MAP7D2: variants seen among roughly 807,000 people sequenced by gnomAD.
MAP7D2 encodes the protein MAP7 domain-containing protein 2.
In MAP7D2, 33 loss-of-function variants were observed where a neutral mutation model predicts 63.5. That is an observed-to-expected ratio of 0.52 (90% CI 0.39 to 0.70). The LOEUF is 0.70. Ranked by LOEUF, MAP7D2 falls within the 30% of genes least tolerant of loss-of-function variation. The pLI is 0.00. For missense variants in MAP7D2, 626 were observed against 604.0 expected (o/e 1.04, Z -0.38); for synonymous variants, 224 against 223.7 (o/e 1.00, Z -0.01).
In MAP7D2 at chrX:20,012,404, C is replaced by T. The variant is rs746445494; in HGVS notation, c.2017G>A (p.Gly673Arg). The change falls in exon 15 of 17, where the codon GGG becomes AGG. Residue 673 changes from glycine to arginine, a missense_variant. Transcript: ENST00000379643. ...GGLIHLDALD[G>R]KSNSLDDSTE... ...GAATCATCCAGGCTATTTGATTTCC[C>T]ATCAAGGGCATCCAGATGAATGAGT... 8.3e-7 allele frequency: 1 copy of T among 1,208,617 alleles called. No individual in the cohort carries two copies. The highest frequency in any genetic ancestry group is 3.0e-5 in the East Asian group (1 of 33,741).
At chrX:20,014,545 G>A (rs1174580065) in intron 12 of MAP7D2, among the ~76,000 whole-genome samples, 2 of 111,560 alleles carry the variant, frequency 1.8e-5, no homozygotes, top group African/African-American at 6.5e-5. Flanking sequence ...TCCAGCATGG[G>A]CAATAGAGTG....
intron 8 of MAP7D2, among the ~76,000 whole-genome samples, chrX:20,030,739 C>T (rs1279366400): frequency 6.3e-5 from 7 of 111,935 alleles, no homozygotes; most frequent in Non-Finnish European, 1.3e-4. Flanking sequence ...AAGTTTGTTA[C>T]TTCCTAGATA....
intron 15 of MAP7D2, 88 bp downstream of exon 15, chrX:20,012,260 TG>T (rs2073227107): frequency 1.4e-6 from 1 of 706,157 alleles, no homozygotes; most frequent in African/African-American, 2.2e-5. Context: ...TTAGGTGATT[TG>T]GTTGTATAAA....
intron 8 of MAP7D2, among the ~76,000 whole-genome samples, chrX:20,030,530 C>G (rs933369884): frequency 3.6e-5 from 4 of 111,845 alleles, no homozygotes; most frequent in Non-Finnish European, 7.5e-5. Context: ...AAGAATAACT[C>G]TCTGGAGAGG....
chrX:20,038,623 C>G (rs1009549604), intron 8 of MAP7D2, among the ~76,000 whole-genome samples: 5 of 111,361 alleles, frequency 4.5e-5, no homozygotes, highest in Non-Finnish European at 9.4e-5. Flanking sequence ...TCACCATCAC[C>G]CCTAGTGACC....
intron 4 of MAP7D2, chrX:20,055,589 T>C (rs2065050344): frequency 3.3e-6 from 1 of 299,254 alleles, no homozygotes; most frequent in South Asian, 3.2e-5. Context: ...TATGGGCATG[T>C]CATTCACATT....
intron 6 of MAP7D2, chrX:20,049,906 T>C (rs1014598050): frequency 3.3e-6 from 1 of 304,578 alleles, no homozygotes; most frequent in Admixed American, 3.6e-5. Flanking sequence ...CATCCCACTA[T>C]GGTTTTGATT....
chrX:20,049,403 C>T (rs1183047338), intron 6 of MAP7D2, among the ~76,000 whole-genome samples: 1 of 108,240 alleles, frequency 9.2e-6, no homozygotes, highest in African/African-American at 3.4e-5. Flanking sequence ...TCCCGAGTAG[C>T]TGGGATTACA....
intron 15 of MAP7D2, among the ~76,000 whole-genome samples, chrX:20,011,897 G>A (rs1439239947): frequency 1.8e-5 from 2 of 112,474 alleles, no homozygotes; most frequent in African/African-American, 6.5e-5. Context: ...TGGGCTGAGG[G>A]CCTGTCACCA....
At chrX:20,042,773 T>A in intron 7 of MAP7D2, 144 bp from the exon 8 acceptor site, 1 of 723,253 alleles carries the variant, frequency 1.4e-6, no homozygotes, top group Non-Finnish European at 2.0e-6. Flanking sequence ...CAGGCATCTT[T>A]GCGGGGAGGC....
intron 1 of MAP7D2, among the ~76,000 whole-genome samples, chrX:20,086,599 G>C (rs1051076093): frequency 3.6e-5 from 4 of 111,135 alleles, no homozygotes; most frequent in African/African-American, 1.3e-4. Flanking sequence ...GGAGACTTGG[G>C]GGAAAAGCCA....
Position 20,011,108 on chromosome X carries a change from C to T in MAP7D2, c.2073-56G>A, listed in dbSNP as rs758284544. The T allele has an allele frequency of 1.3e-5, 14 of 1,090,400 alleles. No homozygotes were observed. In the South Asian group the frequency reaches 1.7e-4, roughly 13 times the overall value. The allele number at this position is 1,090,400 out of a possible 1,213,427, so 89.9% of individuals were successfully genotyped here. Reference sequence around the variant, plus strand: ...AGAAAGAGACAGACAGACAACATGGCACAATATATTAATTCTATTTGCAAT... The same window carrying T: ...AGAAAGAGACAGACAGACAACATGGTACAATATATTAATTCTATTTGCAAT... On this transcript the variant is annotated intron_variant, in intron 15 of 16. Coordinates refer to ENST00000379643, the MANE Select transcript of MAP7D2 (RefSeq NM_001168465.2).
intron 1 of MAP7D2, among the ~76,000 whole-genome samples, chrX:20,078,415 G>C (rs1271627794): frequency 1.8e-5 from 2 of 112,536 alleles, no homozygotes; most frequent in African/African-American, 6.4e-5. Flanking sequence ...CAGTCTGGTT[G>C]ACTCTCAATA....
rs764743272 is a variant in MAP7D2, at chrX:20,063,425, G to A, written c.361C>T (p.Arg121Trp). 3.1e-5 allele frequency: 38 copies of A among 1,209,191 alleles called. No individual in the cohort carries two copies. The highest frequency in any genetic ancestry group is 3.6e-5 in the Non-Finnish European group (32 of 894,865). The change falls in exon 3 of 17, where the codon CGG (arginine) becomes TGG (tryptophan). Residue 121 changes from arginine to tryptophan, a missense_variant. Transcript: ENST00000379643. ...CACCTGGGCCTTACCTCCTCCTCCC[G>A]GAGCTTCTGTTTCCTTTTCTCTTCC... The part of the protein sequence containing the change: ...AVEEKRKQKL[R>W]EEEERLEAMM...
intron 1 of MAP7D2, among the ~76,000 whole-genome samples, chrX:20,072,148 C>T (rs1019885589): frequency 9.0e-6 from 1 of 111,437 alleles, no homozygotes; most frequent in African/African-American, 3.3e-5. Flanking sequence ...AAACAACCAA[C>T]ATTTTAAGGC....
chrX:20,046,829 T>C (rs1012215243), intron 6 of MAP7D2, among the ~76,000 whole-genome samples: 4 of 112,620 alleles, frequency 3.6e-5, no homozygotes, highest in African/African-American at 9.7e-5. Context: ...ATTAAGAAAA[T>C]GTAAAGTTTT....
intron 8 of MAP7D2, among the ~76,000 whole-genome samples, chrX:20,034,619 A>G (rs1056546893): frequency 9.0e-6 from 1 of 111,412 alleles, no homozygotes; most frequent in African/African-American, 3.3e-5. Flanking sequence ...GACCCCAGAG[A>G]GCTCCCTTGC....
chrX:20,007,108 T>A lies in MAP7D2; in HGVS notation c.*1317A>T, dbSNP rs746948294. On this transcript the variant is annotated 3_prime_UTR_variant, in exon 17 of 17. Transcript: ENST00000379643. The stretch of plus-strand genomic sequence containing the variant: ...TGCCGAGATGGACAGCACCGCATTA[T>A]GTGGAGGCATGTACTTTATTGAGTA... The A allele has an allele frequency of 6.2e-5, 7 of 112,179 alleles. No individual in the cohort carries two copies. The highest frequency in any genetic ancestry group is 9.7e-5 in the African/African-American group (3 of 30,858). 9.2% of individuals were successfully genotyped at this position (112,179 alleles called of 1,213,427 possible). A position where few individuals can be genotyped will look rare whatever the true frequency, so the allele number is the denominator to read the frequency against.
At chrX:20,028,168 C>A (rs995574785) in intron 8 of MAP7D2, among the ~76,000 whole-genome samples, 5 of 111,604 alleles carry the variant, frequency 4.5e-5, no homozygotes, top group Non-Finnish European at 9.4e-5. Flanking sequence ...ATTATCATGG[C>A]CTCTTTACAG....
Sources: gnomAD v4.1 joint callset for allele counts (sites outside exome capture counted in the v4.1 genomes callset) on GRCh38, gnomAD v4.1.1 for gene constraint, MANE v1.5 for transcripts, NCBI Gene and HGNC (gene_info 2026-07-23, HGNC 2026-07-21) for gene names.